The following DOCK10 variants were observed in gnomAD, a reference collection of about 807,000 sequenced individuals.
The protein encoded by DOCK10 is dedicator of cytokinesis protein 10.
DOCK10 carries 145 observed loss-of-function variants against 280.1 expected under a neutral mutation model. That is an observed-to-expected ratio of 0.52 (90% CI 0.45 to 0.59). The LOEUF is 0.59. DOCK10 is among the 20% of genes least tolerant of loss of function. The pLI is 0.00. For missense variants in DOCK10, 2,368 were observed against 2,651.7 expected, an observed-to-expected ratio of 0.89 and a Z score of 2.35; for synonymous variants, 915 against 942.2, an observed-to-expected ratio of 0.97 and a Z score of 0.53.
intron 50 of DOCK10, among the ~76,000 whole-genome samples, chr2:224,785,517 G>A (rs1050155588): frequency 2.0e-5 from 3 of 152,058 alleles, no homozygotes; most frequent in Admixed American, 6.5e-5. Context: ...GTCTCACTCT[G>A]TCACCCAGTC....
intron 44 of DOCK10, 74 bp from the exon 45 acceptor site, chr2:224,795,168 A>T: frequency 2.2e-6 from 3 of 1,341,380 alleles, no homozygotes; most frequent in Non-Finnish European, 3.2e-6. Context: ...TTATGCTATT[A>T]ATTATGGCTA....
Position 224,886,159 on chromosome 2 carries a change from C to G in DOCK10, c.516G>C (p.Lys172Asn). 1 of 1,613,780 alleles carries G rather than the reference C, an allele frequency of 6.2e-7. No homozygotes were observed. Among genetic ancestry groups the G allele is most frequent in the Middle Eastern group, 1.7e-4 (1 of 6,060 alleles). The change falls in exon 6 of 56, where the codon AAG becomes AAC. Residue 172 changes from lysine (K) to asparagine (N), a missense_variant. Lys to Asn is a moderately conservative substitution (Grantham distance 94). This residue lies in a region of DOCK10 where 1,209 missense variants were observed against 1,250.9 expected (regional missense o/e 0.97). Transcript: ENST00000258390. ...DEDTTSHSSS[K>N]GGGGAGGTGV... Reference sequence around the variant, plus strand: ...CAGTTCCTCCCGCTCCTCCACCCCCCTTGGAAGACGAGTGGGAAGTGGTAT... The same window carrying G: ...CAGTTCCTCCCGCTCCTCCACCCCCGTTGGAAGACGAGTGGGAAGTGGTAT...
chr2:224,993,621 T>C (rs137945288), intron 1 of DOCK10, among the ~76,000 whole-genome samples: 4 of 152,224 alleles, frequency 2.6e-5, no homozygotes, highest in African/African-American at 4.8e-5. Context: ...AGGATATTCA[T>C]GTTCATCTTT....
At chr2:224,831,926 G>T (rs1260091316) in intron 26 of DOCK10, among the ~76,000 whole-genome samples, 1 of 152,150 alleles carries the variant, frequency 6.6e-6, no homozygotes, top group African/African-American at 2.4e-5. Flanking sequence ...GGAGGTAGGG[G>T]CTCCTGGTGG....
rs144427462 is a variant in DOCK10 at position 224,964,903 on chromosome 2, C to T, written c.124-33235G>A. On this transcript the variant is annotated intron_variant, in intron 1 of 55. Transcript: ENST00000258390. ...CTGAGAGAATGATTCACAATGGCTA[C>T]GGGTAGAGACATAGGACAATGTGTT... Among the ~76,000 whole-genome samples, 37 of 152,252 alleles carry T rather than the reference C, an allele frequency of 2.4e-4. 1 individual carries two copies. In the East Asian group the frequency reaches 6.8e-3, roughly 28 times the overall value.
Position 225,042,449 on chromosome 2 carries a change from C to A in DOCK10, c.-75G>T. 8.2e-7 allele frequency: 1 copy of A among 1,221,850 alleles called. No individual in the cohort carries two copies. Among genetic ancestry groups the A allele is most frequent in the Non-Finnish European group, 1.0e-6 (1 of 979,338 alleles). 75.7% of individuals were successfully genotyped at this position (1,221,850 alleles called of 1,614,324 possible). A position where few individuals can be genotyped will look rare whatever the true frequency, so the allele number is the denominator to read the frequency against. ...TCTTCCCCGCGCCAACCTTCTCTAT[C>A]CACCCGCCGTTCAGGAAGCGGAACT... On this transcript the variant is annotated 5_prime_UTR_variant, in exon 1 of 56. Coordinates refer to ENST00000258390, the MANE Select transcript of DOCK10 (RefSeq NM_014689.3). This position sits in a 1 kb window ranked among gnomAD's most constrained non-coding sequence, Gnocchi z 5.1.
chr2:224,804,870 A>G (rs778482868), intron 37 of DOCK10, 29 bp from the exon 38 acceptor site: 3 of 1,453,864 alleles, frequency 2.1e-6, no homozygotes, highest in South Asian at 2.8e-5. Flanking sequence ...CCACATTTTA[A>G]TTATTCATAT....
chr2:224,774,458 T>A (rs551254552), intron 52 of DOCK10, among the ~76,000 whole-genome samples: 1 of 152,268 alleles, frequency 6.6e-6, no homozygotes, highest in African/African-American at 2.4e-5. Flanking sequence ...ACAGCATAGA[T>A]CTAGAGAGCA....
chr2:224,968,759 A>T (rs948659275), intron 1 of DOCK10, among the ~76,000 whole-genome samples: 4 of 152,260 alleles, frequency 2.6e-5, no homozygotes, highest in South Asian at 2.1e-4. Flanking sequence ...TAACATCATA[A>T]ACGAGTCTTT....
chr2:224,973,412 A>C (rs1705207274), intron 1 of DOCK10, among the ~76,000 whole-genome samples: 1 of 152,082 alleles, frequency 6.6e-6, no homozygotes, highest in African/African-American at 2.4e-5. Flanking sequence ...TTACGAGTGA[A>C]AGAGGAAGGT....
At chr2:224,958,821 AATT>A (rs1391110227) in intron 1 of DOCK10, among the ~76,000 whole-genome samples, 1 of 152,122 alleles carries the variant, frequency 6.6e-6, no homozygotes, top group Non-Finnish European at 1.5e-5. Context: ...TATAATTACC[AATT>A]TGATGTTGTG....
chr2:224,906,775 G>C (rs545052766), intron 3 of DOCK10, among the ~76,000 whole-genome samples: 1 of 152,184 alleles, frequency 6.6e-6, no homozygotes, highest in Non-Finnish European at 1.5e-5. Context: ...CACCGCACCC[G>C]GCCTTGTTTA....
At chr2:224,802,767 A>G (rs1455487539) in intron 39 of DOCK10, among the ~76,000 whole-genome samples, 1 of 152,204 alleles carries the variant, frequency 6.6e-6, no homozygotes, top group African/African-American at 2.4e-5. Flanking sequence ...GCTGTCATAA[A>G]AACTATTTAT....
At chr2:224,939,674 C>T (rs779830192) in intron 1 of DOCK10, among the ~76,000 whole-genome samples, 2 of 152,148 alleles carry the variant, frequency 1.3e-5, no homozygotes, top group African/African-American at 2.4e-5. Context: ...TATATGAAGC[C>T]TGTGATGAGA....
chr2:224,794,676 G>T (rs1048336191), intron 45 of DOCK10, among the ~76,000 whole-genome samples: 2 of 152,096 alleles, frequency 1.3e-5, no homozygotes, highest in Non-Finnish European at 2.9e-5. Context: ...ACTGACTCTG[G>T]CCTTTATTTG....
chr2:224,891,301 T>C (rs964228601), intron 4 of DOCK10, among the ~76,000 whole-genome samples: 1 of 152,228 alleles, frequency 6.6e-6, no homozygotes, highest in African/African-American at 2.4e-5. Context: ...CCAAAAGTGA[T>C]GTCTTCTGAA....
At chr2:224,958,273 A>T (rs1704168717) in intron 1 of DOCK10, among the ~76,000 whole-genome samples, 1 of 152,240 alleles carries the variant, frequency 6.6e-6, no homozygotes, top group Non-Finnish European at 1.5e-5. Flanking sequence ...TGTATGGTTT[A>T]TGAGTGCAGG....
At chr2:224,845,135 A>G (rs1200705141) in intron 21 of DOCK10, 68 bp downstream of exon 21, 35 of 1,459,938 alleles carry the variant, frequency 2.4e-5, no homozygotes, top group Non-Finnish European at 3.1e-5. Flanking sequence ...TAGCAGAGAA[A>G]GAAGATAATC....
At chr2:224,917,702 GTTAA>G (rs1203979590) in intron 2 of DOCK10, among the ~76,000 whole-genome samples, 2 of 152,286 alleles carry the variant, frequency 1.3e-5, no homozygotes, top group Admixed American at 1.3e-4. Context: ...ATGAATATAT[GTTAA>G]TTAATATATA....
Sources: allele counts gnomAD v4.1 joint callset (sites outside exome capture counted in the v4.1 genomes callset), GRCh38; gene constraint gnomAD v4.1.1; regional missense constraint gnomAD v4.1.1; non-coding constraint Gnocchi (gnomAD v3.1); transcripts MANE v1.5; gene names NCBI Gene and HGNC (gene_info 2026-07-23, HGNC 2026-07-21).